ATE1: variants seen among roughly 807,000 people sequenced by gnomAD.
ATE1 encodes arginyl-tRNA--protein transferase 1.
A neutral mutation model predicts 70.5 loss-of-function variants in ATE1; 36 were observed. That is an observed-to-expected ratio of 0.51 (90% CI 0.39 to 0.67). The LOEUF (loss-of-function observed/expected upper bound fraction) is 0.67. Among genes scored for constraint, ATE1 ranks in the 30% least tolerant of loss-of-function variants. ATE1 has a pLI of 0.00. For synonymous variants in ATE1, 232 were observed against 219.3 expected, an observed-to-expected ratio of 1.06 and a Z score of -0.51; for missense variants, 593 against 629.5, an observed-to-expected ratio of 0.94 and a Z score of 0.62.
intron 3 of ATE1, among the ~76,000 whole-genome samples, chr10:121,921,828 G>C (rs1403970251): frequency 6.6e-6 from 1 of 152,160 alleles, no homozygotes; most frequent in Admixed American, 6.5e-5. Flanking sequence ...CAGTCTTTTA[G>C]ACGTTGAGTC....
chr10:121,743,471 A>T lies in ATE1; in HGVS notation c.*209T>A. ...ATGATAAATCCCAATTATGGGGGCTAGGTCATAATGCAGTTTTAAAATCTT... is the reference window on the plus strand; with the variant it reads ...ATGATAAATCCCAATTATGGGGGCTTGGTCATAATGCAGTTTTAAAATCTT... On this transcript the variant is annotated 3_prime_UTR_variant, in exon 12 of 12. Transcript: ENST00000224652. The T allele has an allele frequency of 1.1e-6, 1 of 950,968 alleles. No individual in the cohort carries two copies. 58.9% of individuals were successfully genotyped at this position (950,968 alleles called of 1,614,324 possible). A position where few individuals can be genotyped will look rare whatever the true frequency, so the allele number is the denominator to read the frequency against.
At chr10:121,854,173 T>C (rs953408314) in intron 8 of ATE1, among the ~76,000 whole-genome samples, 1 of 152,146 alleles carries the variant, frequency 6.6e-6, no homozygotes, top group African/African-American at 2.4e-5. Context: ...TAGATTTCTG[T>C]TGGGGGTGGG....
chr10:121,769,133 A>G lies in ATE1; in HGVS notation c.1378+21036T>C, dbSNP rs9919517. 2.8e-3 allele frequency among the ~76,000 whole-genome samples: 432 copies of G among 152,342 alleles called. 4 individuals carry two copies. The highest frequency in any genetic ancestry group is 1.0e-2 in the African/African-American group (414 of 41,584). ...CTAATGGGAGAATAACTTTTCCCTA[A>G]TTTCAAGACTTTTAAAAATATAGAT... On this transcript the variant is annotated intron_variant, in intron 11 of 11. Coordinates refer to ENST00000224652, the MANE Select transcript of ATE1 (RefSeq NM_001001976.3).
chr10:121,786,361 A>G (rs1227773265), intron 11 of ATE1, among the ~76,000 whole-genome samples: 3 of 152,084 alleles, frequency 2.0e-5, no homozygotes, highest in Non-Finnish European at 4.4e-5. Flanking sequence ...AAAAATAATA[A>G]CGCTTTTCTG....
intron 10 of ATE1, among the ~76,000 whole-genome samples, chr10:121,793,612 A>AT (rs1182507593): frequency 6.6e-6 from 1 of 152,166 alleles, no homozygotes; most frequent in Non-Finnish European, 1.5e-5. Flanking sequence ...ATCTTCATAT[A>AT]TTTAGAGGAA....
chr10:121,744,774 C>A (rs1485763675), intron 11 of ATE1, among the ~76,000 whole-genome samples: 1 of 152,222 alleles, frequency 6.6e-6, no homozygotes, highest in African/African-American at 2.4e-5. Flanking sequence ...GTCACCCAGA[C>A]AAAAGCCTGT....
chr10:121,872,261 C>A (rs1484599686), intron 7 of ATE1, among the ~76,000 whole-genome samples: 4 of 152,162 alleles, frequency 2.6e-5, no homozygotes, highest in African/African-American at 9.7e-5. Context: ...GAAGCTTCAA[C>A]AATTTATACA....
intron 4 of ATE1, among the ~76,000 whole-genome samples, chr10:121,911,885 C>T (rs12257383): frequency 4.0e-5 from 6 of 150,996 alleles, no homozygotes; most frequent in Non-Finnish European, 4.4e-5. Context: ...TAGCTGGGAC[C>T]ACAGGCGCCC....
rs570549572 is a variant in ATE1, at chr10:121,868,152, G to T, written c.975+1854C>A. On this transcript the variant is annotated intron_variant, in intron 8 of 11. Coordinates refer to ENST00000224652, the MANE Select transcript of ATE1 (RefSeq NM_001001976.3). ...CTTGATAGGTTAAAAAAAAATTATA[G>T]ATCACTGTCATTTTAAACTGCATTT... is the stretch of plus-strand genomic sequence containing the variant. Among the ~76,000 whole-genome samples, 340 of 152,134 alleles carry T rather than the reference G, an allele frequency of 2.2e-3. 2 individuals are homozygous for T. The highest frequency in any genetic ancestry group is 3.9e-3 in the Non-Finnish European group (266 of 67,980).
At chr10:121,766,743 T>C (rs1945295444) in intron 11 of ATE1, among the ~76,000 whole-genome samples, 1 of 152,076 alleles carries the variant, frequency 6.6e-6, no homozygotes, top group South Asian at 2.1e-4. Flanking sequence ...ATTCAGCCAA[T>C]ATGAAATGGA....
At chr10:121,868,654 G>A (rs1223618038) in intron 8 of ATE1, among the ~76,000 whole-genome samples, 1 of 152,026 alleles carries the variant, frequency 6.6e-6, no homozygotes, top group African/African-American at 2.4e-5. Context: ...TTTAGATCAG[G>A]GAAAAGGGCT....
At chr10:121,793,737 G>A (rs1472585715) in intron 10 of ATE1, among the ~76,000 whole-genome samples, 1 of 151,986 alleles carries the variant, frequency 6.6e-6, no homozygotes, top group Admixed American at 6.6e-5. Context: ...CCCTTGGTTT[G>A]TAAAATATGT....
chr10:121,928,356 C>G, upstream of ATE1: 2 of 1,533,086 alleles, frequency 1.3e-6, no homozygotes, highest in South Asian at 2.4e-5. Context: ...CCGCAGGACG[C>G]TTTGCCCTCC....
intron 3 of ATE1, among the ~76,000 whole-genome samples, chr10:121,918,522 C>A (rs1321562875): frequency 1.3e-5 from 2 of 152,104 alleles, no homozygotes; most frequent in African/African-American, 2.4e-5. Flanking sequence ...AATTTAGATT[C>A]TTTTTTCTTT....
At chr10:121,842,734 G>C (rs1433397042) in intron 8 of ATE1, among the ~76,000 whole-genome samples, 1 of 152,074 alleles carries the variant, frequency 6.6e-6, no homozygotes, top group Non-Finnish European at 1.5e-5. Flanking sequence ...CACATCAATA[G>C]GTCAAAAGAA....
intron 3 of ATE1, among the ~76,000 whole-genome samples, chr10:121,914,556 G>C (rs1212311395): frequency 6.6e-6 from 1 of 151,956 alleles, no homozygotes; most frequent in African/African-American, 2.4e-5. Flanking sequence ...AAAGTCTTAG[G>C]GATTGGTGAC....
chr10:121,746,368 T>C (rs1944371308), intron 11 of ATE1, among the ~76,000 whole-genome samples: 1 of 152,068 alleles, frequency 6.6e-6, no homozygotes. Context: ...TTCCTGGGAG[T>C]AGAATTAATT....
At chr10:121,891,476 T>C (rs1006254111) in intron 7 of ATE1, among the ~76,000 whole-genome samples, 2 of 152,218 alleles carry the variant, frequency 1.3e-5, no homozygotes, top group East Asian at 3.8e-4. Context: ...TAAAAGCTTC[T>C]AGTTTGCATA....
intron 5 of ATE1, among the ~76,000 whole-genome samples, chr10:121,909,132 G>A (rs1437159438): frequency 6.6e-6 from 1 of 152,102 alleles, no homozygotes; most frequent in Non-Finnish European, 1.5e-5. Flanking sequence ...GGGACTACAG[G>A]CATGCACCAT....
Sources: gnomAD v4.1 joint callset for allele counts (sites outside exome capture counted in the v4.1 genomes callset) on GRCh38, gnomAD v4.1.1 for gene constraint, MANE v1.5 for transcripts, NCBI Gene and HGNC (gene_info 2026-07-23, HGNC 2026-07-21) for gene names.